Variants in MSRA observed in about 807,000 individuals in gnomAD.
MSRA encodes methionine sulfoxide reductase A, also known as mitochondrial peptide methionine sulfoxide reductase.
A neutral mutation model predicts 31.3 loss-of-function variants in MSRA; 54 were observed. The observed-to-expected ratio is 1.73, with a 90% CI of 1.39 to 2.17. The LOEUF (loss-of-function observed/expected upper bound fraction) is 2.17. Ranked by LOEUF, MSRA falls within the 30% of genes most tolerant of loss-of-function variation. The pLI is 0.00. For synonymous variants in MSRA, 169 were observed against 116.5 expected (o/e 1.45, Z -2.90); for missense variants, 507 against 300.9 (o/e 1.69, Z -5.07).
intron 2 of MSRA, among the ~76,000 whole-genome samples, chr8:10,238,569 T>A (rs1004741765): frequency 6.6e-6 from 1 of 152,266 alleles, no homozygotes; most frequent in African/African-American, 2.4e-5. Flanking sequence ...GGTGCAGGAA[T>A]AGACAAATGA....
intron 4 of MSRA, among the ~76,000 whole-genome samples, chr8:10,318,499 C>T (rs1290398863): frequency 6.6e-6 from 1 of 152,100 alleles, no homozygotes; most frequent in African/African-American, 2.4e-5. Flanking sequence ...CTGGAGAGAA[C>T]ATATTTATTT....
At chr8:10,413,031 G>A (rs1263805699) in intron 5 of MSRA, among the ~76,000 whole-genome samples, 1 of 152,202 alleles carries the variant, frequency 6.6e-6, no homozygotes, top group Non-Finnish European at 1.5e-5. Context: ...AATGTTTACA[G>A]CAGCTTTGTT....
intron 5 of MSRA, among the ~76,000 whole-genome samples, chr8:10,396,814 A>G (rs909663027): frequency 6.6e-6 from 1 of 152,196 alleles, no homozygotes; most frequent in African/African-American, 2.4e-5. Context: ...AGTAAAGCCG[A>G]TGGTCTGGGG....
intron 1 of MSRA, among the ~76,000 whole-genome samples, chr8:10,166,429 C>T (rs1027176040): frequency 2.6e-5 from 4 of 151,864 alleles, no homozygotes; most frequent in Admixed American, 1.3e-4. Flanking sequence ...TATGTCTGTG[C>T]GTGTGTATGC....
intron 2 of MSRA, among the ~76,000 whole-genome samples, chr8:10,241,058 C>G (rs569493763): frequency 1.3e-5 from 2 of 152,182 alleles, no homozygotes; most frequent in South Asian, 2.1e-4. Flanking sequence ...TGGCTGTAGC[C>G]CCTTGACCTT....
Position 10,316,567 on chromosome 8 carries a change from TCTCTCTC to T in MSRA, c.437-3313_437-3307del, listed in dbSNP as rs1801736200. Among the ~76,000 whole-genome samples, 8 of 145,122 alleles carry T rather than the reference TCTCTCTC, an allele frequency of 5.5e-5. 1 individual carries two copies. The highest frequency in any genetic ancestry group is 2.0e-4 in the African/African-American group (8 of 39,494). The stretch of plus-strand genomic sequence containing the variant: ...CTCTCTCTCTCTCTCTCTCTCTCTC[TCTCTCTC>T]CTTCCTCCTCCTCTTCTCCCCCTCC... On this transcript the variant is annotated intron_variant, in intron 4 of 5. Transcript: ENST00000317173.
intron 1 of MSRA, among the ~76,000 whole-genome samples, chr8:10,063,737 C>T (rs1024765456): frequency 1.3e-4 from 20 of 152,214 alleles, no homozygotes; most frequent in East Asian, 1.9e-4. Flanking sequence ...TTTGGGCTCT[C>T]ACCAGACACT....
At chr8:10,305,521 C>G (rs927239202) in intron 4 of MSRA, among the ~76,000 whole-genome samples, 2 of 149,498 alleles carry the variant, frequency 1.3e-5, no homozygotes, top group South Asian at 2.2e-4. Context: ...TCAAGTGATT[C>G]TCCTGCCTCA....
chr8:10,263,370 A>C (rs1386334036), intron 3 of MSRA, among the ~76,000 whole-genome samples: 1 of 152,142 alleles, frequency 6.6e-6, no homozygotes, highest in Non-Finnish European at 1.5e-5. Context: ...AGTGCTTACC[A>C]TTCATTCTAT....
chr8:10,295,941 GT>G (rs1455439115), intron 3 of MSRA, among the ~76,000 whole-genome samples: 6 of 152,182 alleles, frequency 3.9e-5, no homozygotes, highest in Non-Finnish European at 5.9e-5. Context: ...TTTCGGAGGT[GT>G]CTTTCTGCCT....
At chr8:10,254,361 T>A (rs969862666) in intron 3 of MSRA, among the ~76,000 whole-genome samples, 2 of 152,216 alleles carry the variant, frequency 1.3e-5, no homozygotes, top group Non-Finnish European at 2.9e-5. Flanking sequence ...GCTTCTTCTT[T>A]CCTTGAGTTA....
Position 10,200,161 on chromosome 8 carries a change from C to T in MSRA, c.143-7672C>T, listed in dbSNP as rs573361497. Among the ~76,000 whole-genome samples, 22 of 152,326 alleles carry T rather than the reference C, an allele frequency of 1.4e-4. No individual in the cohort carries two copies. In the South Asian group the frequency reaches 4.1e-3, roughly 29 times the overall value. ...AGCCGGGAGGTGTATCTCCGTTCTGCTGCGTCTGGAGCAAAGGGAGCGGGC... is the reference window on the plus strand; with the variant it reads ...AGCCGGGAGGTGTATCTCCGTTCTGTTGCGTCTGGAGCAAAGGGAGCGGGC... On this transcript the variant is annotated intron_variant, in intron 1 of 5. Coordinates refer to ENST00000317173, the MANE Select transcript of MSRA (RefSeq NM_012331.5).
At chr8:10,254,100 C>T (rs978763849) in intron 3 of MSRA, among the ~76,000 whole-genome samples, 2 of 151,854 alleles carry the variant, frequency 1.3e-5, no homozygotes, top group African/African-American at 4.8e-5. Flanking sequence ...GCGGGAGAAG[C>T]TTTGCTTAAT....
At chr8:10,240,792 G>T (rs1033186501) in intron 2 of MSRA, among the ~76,000 whole-genome samples, 4 of 152,020 alleles carry the variant, frequency 2.6e-5, no homozygotes, top group African/African-American at 9.7e-5. Context: ...TGCATTTCCA[G>T]CCTGCACCCA....
chr8:10,322,564 G>T (rs963558463), intron 5 of MSRA, among the ~76,000 whole-genome samples: 1 of 152,114 alleles, frequency 6.6e-6, no homozygotes, highest in African/African-American at 2.4e-5. Flanking sequence ...CAGAGTCTAA[G>T]GTGCCCATGA....
chr8:10,366,281 C>T (rs1286857237), intron 5 of MSRA, among the ~76,000 whole-genome samples: 1 of 152,230 alleles, frequency 6.6e-6, no homozygotes, highest in East Asian at 1.9e-4. Flanking sequence ...GCAGAGGAAG[C>T]AGAGGGCTCT....
chr8:10,208,307 A>G (rs1246920206), intron 2 of MSRA, among the ~76,000 whole-genome samples: 1 of 151,980 alleles, frequency 6.6e-6, no homozygotes, highest in African/African-American at 2.4e-5. Flanking sequence ...TAATTGAATG[A>G]TCTCTTCCTT....
intron 3 of MSRA, among the ~76,000 whole-genome samples, chr8:10,280,675 C>A (rs963438321): frequency 6.6e-6 from 1 of 152,140 alleles, no homozygotes; most frequent in South Asian, 2.1e-4. Context: ...TAGGTATATA[C>A]CCAAGAGTCA....
chr8:10,103,068 A>T (rs1300004073), intron 1 of MSRA, among the ~76,000 whole-genome samples: 2 of 152,232 alleles, frequency 1.3e-5, no homozygotes, highest in Non-Finnish European at 2.9e-5. Context: ...ATTGAATAAA[A>T]GAATATAAGA....
Sources: allele counts gnomAD v4.1 joint callset (sites outside exome capture counted in the v4.1 genomes callset), GRCh38; gene constraint gnomAD v4.1.1; transcripts MANE v1.5; gene names NCBI Gene and HGNC (gene_info 2026-07-23, HGNC 2026-07-21).